The following NRAP variants were observed in gnomAD, a reference collection of about 807,000 sequenced individuals.
NRAP encodes nebulin related anchoring protein.
Under a neutral mutation model 225.9 loss-of-function variants are expected in NRAP, and 189 were observed. That is an observed-to-expected ratio of 0.84 (90% CI 0.74 to 0.94). NRAP has a LOEUF of 0.94. Among genes scored for constraint, NRAP ranks in the 40% least tolerant of loss-of-function variants. The pLI is 0.00. For missense variants in NRAP, 2,176 were observed against 2,168.7 expected, an observed-to-expected ratio of 1.00 and a Z score of -0.07; for synonymous variants, 769 against 790.7, an observed-to-expected ratio of 0.97 and a Z score of 0.46.
intron 2 of NRAP, 38 bp downstream of exon 2, chr10:113,663,314 A>C: frequency 8.2e-7 from 1 of 1,224,290 alleles, no homozygotes; most frequent in Non-Finnish European, 1.2e-6. Flanking sequence ...AAAACAAATA[A>C]AACTCAAGAG....
chr10:113,593,052 A>T (rs1415770597), intron 38 of NRAP, among the ~76,000 whole-genome samples: 1 of 151,300 alleles, frequency 6.6e-6, no homozygotes, highest in Admixed American at 6.6e-5. Flanking sequence ...TGTAGCTAAT[A>T]TTTTTTTTTC....
chr10:113,618,397 A>G (rs1847791304), intron 25 of NRAP, among the ~76,000 whole-genome samples: 1 of 152,254 alleles, frequency 6.6e-6, no homozygotes, highest in East Asian at 1.9e-4. Flanking sequence ...ACACAAATCA[A>G]TAGCCAGCTA....
At chr10:113,608,956 C>A (rs757436892) in intron 31 of NRAP, among the ~76,000 whole-genome samples, 1 of 152,088 alleles carries the variant, frequency 6.6e-6, no homozygotes, top group Non-Finnish European at 1.5e-5. Flanking sequence ...GTCAGGAGTT[C>A]GAGACCATCC....
intron 2 of NRAP, 67 bp downstream of exon 2, chr10:113,663,285 T>C (rs1850806017): frequency 1.1e-6 from 1 of 928,680 alleles, no homozygotes. Context: ...ATTTGAACGT[T>C]TAGTTGGCTC....
Position 113,628,973 on chromosome 10 carries a change from T to A in NRAP, c.2089A>T (p.Thr697Ser). 1 of 1,613,818 alleles carries A rather than the reference T, an allele frequency of 6.2e-7. No individual in the cohort carries two copies. Among genetic ancestry groups the A allele is most frequent in the Non-Finnish European group, 8.5e-7 (1 of 1,179,866 alleles). The change falls in exon 20 of 42, where the codon ACA (threonine) becomes TCA (serine). Residue 697 changes from threonine to serine, a missense_variant. Transcript: ENST00000359988. ...LAWMKGVGWLTEGSLNLEQAK... is the reference protein window; with the variant it reads ...LAWMKGVGWLSEGSLNLEQAK... ...TGTTCCAAGTTGAGACTCCCCTCTG[T>A]CAGCCACCCAACTCCCTTCATCCAT...
chr10:113,650,646 C>T, intron 7 of NRAP, 101 bp from the exon 8 acceptor site: 1 of 784,400 alleles, frequency 1.3e-6, no homozygotes, highest in Non-Finnish European at 2.2e-6. Context: ...CATCTCCTGT[C>T]ATAGCTCATA....
At chr10:113,607,236 CA>C (rs1216848357) in intron 32 of NRAP, among the ~76,000 whole-genome samples, 1 of 141,920 alleles carries the variant, frequency 7.0e-6, no homozygotes, top group East Asian at 2.0e-4. Context: ...CAAAACAAAA[CA>C]AAAAACAAAA....
chr10:113,628,869 G>T (rs867271639), intron 20 of NRAP, 48 bp downstream of exon 20: 1 of 1,005,312 alleles, frequency 9.9e-7, no homozygotes, highest in Middle Eastern at 2.2e-4. Context: ...CCCTGCATGT[G>T]TCAGGGGCTG....
intron 35 of NRAP, among the ~76,000 whole-genome samples, chr10:113,602,463 G>A (rs1255587467): frequency 1.3e-5 from 2 of 152,172 alleles, no homozygotes; most frequent in African/African-American, 4.8e-5. Flanking sequence ...GCAAATGGAA[G>A]GACTTTGTAA....
At chr10:113,651,748 T>A (rs1207267026) in intron 7 of NRAP, 55 bp downstream of exon 7, 2 of 985,122 alleles carry the variant, frequency 2.0e-6, no homozygotes, top group Non-Finnish European at 3.3e-6. Context: ...AGAGCAAAGA[T>A]GAGGAATCAA....
chr10:113,589,742 C>A lies in NRAP; in HGVS notation c.5012G>T (p.Gly1671Val). The change falls in exon 41 of 42, where the codon GGC (glycine) becomes GTC (valine). Residue 1671 changes from glycine to valine, a missense_variant. Gly to Val is a moderately radical substitution (Grantham distance 109). Transcript: ENST00000359988. Reference protein sequence around the residue: ...LTRGVGWTPPGSYKVEMARRA... With the variant: ...LTRGVGWTPPVSYKVEMARRA... ...CCGAGCCATTTCCACTTTGTAGGAG[C>A]CAGGAGGGGTCCAGCCAACACCTCT... 1.2e-6 allele frequency: 2 copies of A among 1,614,108 alleles called. No individual in the cohort carries two copies. The highest frequency in any genetic ancestry group is 1.7e-6 in the Non-Finnish European group (2 of 1,180,026).
chr10:113,623,978 C>T (rs574898820), intron 22 of NRAP, among the ~76,000 whole-genome samples: 2 of 152,290 alleles, frequency 1.3e-5, no homozygotes, highest in East Asian at 1.9e-4. Context: ...CATCTCTGTC[C>T]ACGCACCCCA....
At position 113,604,868 on chromosome 10, in the gene NRAP, T is replaced by C. The variant is rs1846848690; in HGVS notation, c.3968A>G (p.Gln1323Arg). 1 of 1,614,114 alleles carries C rather than the reference T, an allele frequency of 6.2e-7. No individual in the cohort carries two copies. The highest frequency in any genetic ancestry group is 8.5e-7 in the Non-Finnish European group (1 of 1,180,002). ...GATCCGGGGGTCGTCTCTTACACTC[T>C]GGGGCCCTATGAGTTTCCCTCGCTC... The part of the protein sequence containing the change: ...VKERGKLIGP[Q>R]SVRDDPRIQH... Residue 1323 changes from glutamine (Q) to arginine (R), a missense_variant, in exon 35 of 42, where the codon CAG becomes CGG. Coordinates refer to ENST00000359988, the MANE Select transcript of NRAP (RefSeq NM_198060.4).
chr10:113,639,451 G>A (rs1166503957), intron 14 of NRAP, among the ~76,000 whole-genome samples: 1 of 152,148 alleles, frequency 6.6e-6, no homozygotes, highest in African/African-American at 2.4e-5. Flanking sequence ...GATCCCAAAG[G>A]AAAGCAAAGG....
At chr10:113,592,117 G>T (rs1250827942) in intron 39 of NRAP, 77 bp downstream of exon 39, 3 of 783,438 alleles carry the variant, frequency 3.8e-6, no homozygotes, top group Non-Finnish European at 6.3e-6. Flanking sequence ...AGGTCCTGGT[G>T]GTTTGCCTTT....
chr10:113,658,089 G>C (rs369150331), intron 3 of NRAP, among the ~76,000 whole-genome samples: 3 of 152,096 alleles, frequency 2.0e-5, no homozygotes, highest in Admixed American at 1.3e-4. Flanking sequence ...AATTACTACA[G>C]TACTGTTTAT....
chr10:113,590,520 T>A (rs1592713409), intron 40 of NRAP, 58 bp downstream of exon 40: 3 of 1,537,290 alleles, frequency 2.0e-6, no homozygotes, highest in South Asian at 1.2e-5. Context: ...ATTATGGCCA[T>A]CTCTTAGGAA....
chr10:113,653,223 T>A (rs186575350), intron 5 of NRAP, among the ~76,000 whole-genome samples, 184 bp from the exon 6 acceptor site: 1 of 152,364 alleles, frequency 6.6e-6, no homozygotes, highest in East Asian at 1.9e-4. Flanking sequence ...ACTGAAGAAC[T>A]CATATTTCCC....
At chr10:113,629,068 A>G (rs1355454434) in intron 19 of NRAP, 47 bp from the exon 20 acceptor site, 1 of 1,348,870 alleles carries the variant, frequency 7.4e-7, no homozygotes, top group Admixed American at 1.7e-5. Context: ...ATGGATAGAG[A>G]CAGGACAAAG....
Sources: gnomAD v4.1 joint callset for allele counts (sites outside exome capture counted in the v4.1 genomes callset) on GRCh38, gnomAD v4.1.1 for gene constraint, MANE v1.5 for transcripts, NCBI Gene and HGNC (gene_info 2026-07-23, HGNC 2026-07-21) for gene names.